CNBD1: variants seen among roughly 807,000 people sequenced by gnomAD.
CNBD1 encodes the protein cyclic nucleotide binding domain containing 1.
CNBD1 carries 71 observed loss-of-function variants against 54.4 expected under a neutral mutation model. The observed-to-expected ratio is 1.30, with a 90% CI of 1.08 to 1.59. The LOEUF (loss-of-function observed/expected upper bound fraction) is 1.59. Among genes scored for constraint, CNBD1 ranks in the 40% most tolerant of loss-of-function variants. The probability of loss-of-function intolerance (pLI) is 0.00; values close to 1 mark genes in which losing one functional copy is unlikely to be tolerated. For missense variants in CNBD1, 659 were observed against 518.0 expected (o/e 1.27, Z -2.64); for synonymous variants, 182 against 170.7 (o/e 1.07, Z -0.51).
intron 4 of CNBD1, 95 bp from the exon 5 acceptor site, chr8:87,205,898 A>C (rs1721565194): frequency 9.5e-7 from 1 of 1,058,158 alleles, no homozygotes; most frequent in Admixed American, 3.8e-5. Flanking sequence ...AACTAAACAG[A>C]AAATACAAAT....
At chr8:86,910,496 G>A (rs569140552) in intron 3 of CNBD1, among the ~76,000 whole-genome samples, 99 of 152,264 alleles carry the variant, frequency 6.5e-4, no homozygotes, top group African/African-American at 2.3e-3. Flanking sequence ...ATGGGGGAGG[G>A]GGAGCATCCT....
At chr8:87,408,036 T>G (rs1807679489) in intron 2 of CNBD1, among the ~76,000 whole-genome samples, 1 of 152,066 alleles carries the variant, frequency 6.6e-6, no homozygotes, top group East Asian at 1.9e-4. Flanking sequence ...CTTTTAGAAA[T>G]TTCTGTTCAC....
chr8:87,178,685 A>G (rs1371742707), intron 4 of CNBD1, among the ~76,000 whole-genome samples: 3 of 152,210 alleles, frequency 2.0e-5, no homozygotes, highest in Non-Finnish European at 2.9e-5. Context: ...TACTACATTA[A>G]TCCAGGTAAA....
At chr8:87,144,081 T>C (rs1812432290) in intron 4 of CNBD1, among the ~76,000 whole-genome samples, 1 of 152,180 alleles carries the variant, frequency 6.6e-6, no homozygotes, top group South Asian at 2.1e-4. Flanking sequence ...GGAAAGTGCA[T>C]ATTTCAGTGG....
intron 4 of CNBD1, among the ~76,000 whole-genome samples, chr8:87,067,442 T>C (rs996024036): frequency 7.9e-5 from 12 of 151,974 alleles, no homozygotes; most frequent in East Asian, 1.9e-4. Flanking sequence ...GCATTTATTA[T>C]ACGCAAGTAT....
chr8:87,309,101 G>A (rs1809213696), intron 8 of CNBD1, among the ~76,000 whole-genome samples: 1 of 152,048 alleles, frequency 6.6e-6, no homozygotes, highest in Non-Finnish European at 1.5e-5. Flanking sequence ...TTTTGGGTAA[G>A]TAGTCAGTAA....
chr8:87,296,309 T>C (rs1453596879), intron 8 of CNBD1, among the ~76,000 whole-genome samples: 2 of 152,144 alleles, frequency 1.3e-5, no homozygotes, highest in Non-Finnish European at 2.9e-5. Flanking sequence ...GCCTTCTGCA[T>C]GGAAAGTTTC....
chr8:87,055,433 T>TC (rs146345882), intron 4 of CNBD1, among the ~76,000 whole-genome samples: 5,590 of 151,712 alleles, frequency 0.037, 148 homozygotes, highest in African/African-American at 0.071. Context: ...TTTAGGTAAG[T>TC]CCCCCCCTTC....
At chr8:87,328,951 T>G (rs1174706392) in intron 8 of CNBD1, among the ~76,000 whole-genome samples, 1 of 152,150 alleles carries the variant, frequency 6.6e-6, no homozygotes, top group Non-Finnish European at 1.5e-5. Flanking sequence ...CTTTTCTTTT[T>G]GTATAGTCAT....
At chr8:87,132,633 T>G (rs2130728125) in intron 4 of CNBD1, among the ~76,000 whole-genome samples, 1 of 147,788 alleles carries the variant, frequency 6.8e-6, no homozygotes, top group East Asian at 1.9e-4. Flanking sequence ...ATATATAATG[T>G]AATATATGAT....
chr8:87,381,764 A>T (rs1392682478), intron 10 of CNBD1, among the ~76,000 whole-genome samples: 4 of 152,096 alleles, frequency 2.6e-5, no homozygotes, highest in Non-Finnish European at 2.9e-5. Flanking sequence ...AGAATCCCCA[A>T]ACCTGACCAC....
At chr8:87,043,540 T>C (rs950727591) in intron 4 of CNBD1, among the ~76,000 whole-genome samples, 4 of 152,208 alleles carry the variant, frequency 2.6e-5, no homozygotes, top group African/African-American at 9.7e-5. Flanking sequence ...CTCCCTTTAC[T>C]CAGTGGCCTT....
At chr8:87,107,299 C>T (rs1385247208) in intron 4 of CNBD1, among the ~76,000 whole-genome samples, 1 of 152,186 alleles carries the variant, frequency 6.6e-6, no homozygotes, top group Non-Finnish European at 1.5e-5. Context: ...TCTCCTGTTT[C>T]CTTCCAACTT....
intron 4 of CNBD1, among the ~76,000 whole-genome samples, chr8:86,962,120 A>T (rs1371283692): frequency 6.6e-6 from 1 of 152,184 alleles, no homozygotes. Context: ...TTTTTCAAAA[A>T]TGAATCAATG....
intron 4 of CNBD1, among the ~76,000 whole-genome samples, chr8:86,944,293 G>A (rs1349473432): frequency 6.6e-6 from 1 of 152,098 alleles, no homozygotes; most frequent in Non-Finnish European, 1.5e-5. Flanking sequence ...CTATGTTTCT[G>A]TCAGTATTCC....
At chr8:87,229,260 A>G (rs1311073772) in intron 5 of CNBD1, among the ~76,000 whole-genome samples, 6 of 151,838 alleles carry the variant, frequency 4.0e-5, no homozygotes, top group Non-Finnish European at 5.9e-5. Context: ...CTATTCGGCC[A>G]TCTTGGCTCC....
chr8:87,390,325 G>GA (rs1465218600), intron 2 of CNBD1, among the ~76,000 whole-genome samples: 3 of 152,042 alleles, frequency 2.0e-5, no homozygotes, highest in African/African-American at 7.2e-5. Context: ...TACAGTATGG[G>GA]AAAAAATTTT....
chr8:86,946,500 G>A (rs1807469500), intron 4 of CNBD1, among the ~76,000 whole-genome samples: 1 of 152,012 alleles, frequency 6.6e-6, no homozygotes, highest in Non-Finnish European at 1.5e-5. Flanking sequence ...TTTCAGCATA[G>A]ATGTGACTAT....
intron 4 of CNBD1, among the ~76,000 whole-genome samples, chr8:86,963,683 C>T (rs538637877): frequency 1.2e-4 from 18 of 152,254 alleles, no homozygotes; most frequent in South Asian, 6.2e-4. Flanking sequence ...ATGCCCTTCA[C>T]GGTCATGCTA....
Sources: gnomAD v4.1 joint callset for allele counts (sites outside exome capture counted in the v4.1 genomes callset) on GRCh38, gnomAD v4.1.1 for gene constraint, MANE v1.5 for transcripts, NCBI Gene and HGNC (gene_info 2026-07-23, HGNC 2026-07-21) for gene names.